CDH23: variants seen among roughly 807,000 people sequenced by gnomAD.
The protein encoded by CDH23 is cadherin-23.
In CDH23, 189 loss-of-function variants were observed where a neutral mutation model predicts 317.1. The ratio of observed to expected loss-of-function variants is 0.60; its 90% CI spans 0.53 to 0.67. The LOEUF (loss-of-function observed/expected upper bound fraction) is 0.67. CDH23 is among the 30% of genes least tolerant of loss of function. The pLI, the probability that CDH23 is intolerant of heterozygous loss-of-function variation, is 0.00. For synonymous variants in CDH23, 1,839 were observed against 1,876.8 expected (o/e 0.98, Z 0.52); for missense variants, 4,401 against 4,592.4 (o/e 0.96, Z 1.20).
rs554417090 is a variant in CDH23, at chr10:71,597,237, C to T, written c.833-18267C>T. Among the ~76,000 whole-genome samples, 5 of 152,222 alleles carry T rather than the reference C, an allele frequency of 3.3e-5. No individual in the cohort carries two copies. The East Asian group carries it at 9.7e-4, about 29-fold the overall frequency. ...GTGGGGAGCAGAGCAGGCATCGCCACCTCCTCTGTCCCCTAGCTGGTCTCC... is the reference window on the plus strand; with the variant it reads ...GTGGGGAGCAGAGCAGGCATCGCCATCTCCTCTGTCCCCTAGCTGGTCTCC... On this transcript the variant is annotated intron_variant, in intron 9 of 69. Transcript: ENST00000224721.
intron 24 of CDH23, 39 bp from the exon 25 acceptor site, chr10:71,704,872 T>C (rs752329020): frequency 1.3e-6 from 2 of 1,489,398 alleles, no homozygotes; most frequent in African/African-American, 1.4e-5. Flanking sequence ...CATCCCAGTG[T>C]CCCCTCCCCA....
At chr10:71,621,188 T>C (rs932458741) in intron 11 of CDH23, among the ~76,000 whole-genome samples, 2 of 152,250 alleles carry the variant, frequency 1.3e-5, no homozygotes, top group Non-Finnish European at 2.9e-5. Context: ...TGCCAGTCCA[T>C]TTCTGAGGAA....
intron 11 of CDH23, among the ~76,000 whole-genome samples, chr10:71,638,140 T>C (rs1862363984): frequency 6.6e-6 from 1 of 152,146 alleles, no homozygotes. Flanking sequence ...CTGTGAGATG[T>C]GCTTACCCTC....
intron 3 of CDH23, among the ~76,000 whole-genome samples, chr10:71,457,816 A>G (rs1047015400): frequency 5.3e-5 from 8 of 152,234 alleles, no homozygotes; most frequent in Non-Finnish European, 7.3e-5. Flanking sequence ...GACTTTGGGG[A>G]AAATAGATGA....
At chr10:71,774,625 ATGAG>A (rs1213727080) in intron 38 of CDH23, among the ~76,000 whole-genome samples, 2 of 152,204 alleles carry the variant, frequency 1.3e-5, no homozygotes, top group Non-Finnish European at 2.9e-5. Flanking sequence ...GGACAAACCA[ATGAG>A]TGAGTGAGTG....
chr10:71,554,133 G>T (rs1037786930), intron 6 of CDH23, among the ~76,000 whole-genome samples: 1 of 152,156 alleles, frequency 6.6e-6, no homozygotes, highest in Admixed American at 6.5e-5. Flanking sequence ...CACTTTACAC[G>T]CTTTGTCTCC....
At chr10:71,697,693 G>A (rs1427555996) in intron 22 of CDH23, among the ~76,000 whole-genome samples, 2 of 150,600 alleles carry the variant, frequency 1.3e-5, no homozygotes, top group Non-Finnish European at 3.0e-5. Flanking sequence ...GGAAGCTCCC[G>A]CCCTGCCTGC....
chr10:71,712,805 A>G lies in CDH23; in HGVS notation c.3361A>G (p.Ile1121Val), dbSNP rs200542052. 3 of 1,612,002 alleles carry G rather than the reference A, an allele frequency of 1.9e-6. No individual in the cohort carries two copies. Among genetic ancestry groups the G allele is most frequent in the Middle Eastern group, 1.6e-4 (1 of 6,080 alleles). ...VPEDIPEGHS[I>V]LQLKATDADE... ...TGAGGACATCCCTGAAGGCCACAGC[A>G]TCTTGCAGGCAGGTGGCCCGTGGCC... Residue 1121 changes from isoleucine (I) to valine (V), a missense_variant, in exon 28 of 70, where the codon ATC becomes GTC. Coordinates refer to ENST00000224721, the MANE Select transcript of CDH23 (RefSeq NM_022124.6).
chr10:71,473,230 TAC>T (rs1470154377), intron 3 of CDH23, among the ~76,000 whole-genome samples: 11 of 152,176 alleles, frequency 7.2e-5, no homozygotes, highest in African/African-American at 2.7e-4. Context: ...TGTTCTGGAA[TAC>T]AGAGCCTGGA....
At chr10:71,427,754 C>T (rs952022250) in intron 1 of CDH23, among the ~76,000 whole-genome samples, 1 of 150,974 alleles carries the variant, frequency 6.6e-6, no homozygotes, top group Non-Finnish European at 1.5e-5. Context: ...ACTCTGTTGC[C>T]CAGGCTGGAG....
intron 3 of CDH23, among the ~76,000 whole-genome samples, chr10:71,450,043 T>C (rs374249038): frequency 6.6e-6 from 1 of 152,210 alleles, no homozygotes; most frequent in African/African-American, 2.4e-5. Context: ...CCTGAATCCC[T>C]GCATGTCTTG....
In CDH23 at chr10:71,643,435, G is replaced by C. The variant is rs1395135013; in HGVS notation, c.1135-426G>C. ...TAAAAACATGGGGGTGTTTGGGGTT[G>C]TTTCCTGCAGGGATTTTATCCAGGC... is the stretch of plus-strand genomic sequence containing the variant. On this transcript the variant is annotated intron_variant, in intron 11 of 69. Transcript: ENST00000224721. 3.9e-5 allele frequency among the ~76,000 whole-genome samples: 6 copies of C among 152,308 alleles called. No homozygotes were observed. In the East Asian group the frequency reaches 1.2e-3, roughly 29 times the overall value.
intron 6 of CDH23, among the ~76,000 whole-genome samples, chr10:71,531,126 C>T (rs985493787): frequency 1.3e-5 from 2 of 152,236 alleles, no homozygotes; most frequent in Non-Finnish European, 2.9e-5. Context: ...GGGTCTATGA[C>T]AGTTCACCCC....
intron 9 of CDH23, among the ~76,000 whole-genome samples, chr10:71,593,602 G>A (rs527720630): frequency 2.6e-5 from 4 of 152,288 alleles, no homozygotes; most frequent in African/African-American, 2.4e-5. Flanking sequence ...CCTGCAGATC[G>A]AGAGGAAAAA....
At chr10:71,677,176 T>C (rs1380498863) in intron 15 of CDH23, among the ~76,000 whole-genome samples, 1 of 152,182 alleles carries the variant, frequency 6.6e-6, no homozygotes, top group East Asian at 1.9e-4. Context: ...AGGTAGGAAC[T>C]CCTGTTCATA....
At position 71,748,969 on chromosome 10, in the gene CDH23, T is replaced by A. The variant is rs1217530145; in HGVS notation, c.4845+7048T>A. ...CCAGATGCGTTCAGTTGTAAAAGGGTCCAGAGAAGAGAGGGCAGGGCCGCA... is the reference window on the plus strand; with the variant it reads ...CCAGATGCGTTCAGTTGTAAAAGGGACCAGAGAAGAGAGGGCAGGGCCGCA... On this transcript the variant is annotated intron_variant, in intron 38 of 69. Coordinates refer to ENST00000224721, the MANE Select transcript of CDH23 (RefSeq NM_022124.6). The A allele has an allele frequency of 2.6e-5, 4 of 152,696 alleles. No individual in the cohort carries two copies. The East Asian group carries it at 7.7e-4, about 29-fold the overall frequency. 9.5% of individuals were successfully genotyped at this position (152,696 alleles called of 1,614,324 possible).
chr10:71,475,267 C>G (rs1851731008), intron 3 of CDH23, among the ~76,000 whole-genome samples: 1 of 152,228 alleles, frequency 6.6e-6, no homozygotes, highest in South Asian at 2.1e-4. Flanking sequence ...GCGTCCCTGA[C>G]CTCTCCAGCC....
chr10:71,544,862 T>C (rs537892086), intron 6 of CDH23, among the ~76,000 whole-genome samples: 1 of 152,304 alleles, frequency 6.6e-6, no homozygotes, highest in South Asian at 2.1e-4. Context: ...CATCGAATGA[T>C]GTTCCAATTT....
intron 6 of CDH23, among the ~76,000 whole-genome samples, chr10:71,542,217 A>G (rs1856025096): frequency 6.6e-6 from 1 of 152,196 alleles, no homozygotes; most frequent in South Asian, 2.1e-4. Context: ...TTAGTAATTA[A>G]CAGCCAGGTA....
Sources: allele counts gnomAD v4.1 joint callset (sites outside exome capture counted in the v4.1 genomes callset), GRCh38; gene constraint gnomAD v4.1.1; transcripts MANE v1.5; gene names NCBI Gene and HGNC (gene_info 2026-07-23, HGNC 2026-07-21).